Variants in THAP12 observed in about 807,000 individuals in gnomAD.
THAP12 encodes the protein THAP domain containing 12, also known as 52 kDa repressor of the inhibitor of the protein kinase.
A neutral mutation model predicts 63.0 loss-of-function variants in THAP12; 20 were observed. That is an observed-to-expected ratio of 0.32 (90% CI 0.22 to 0.46). The LOEUF is 0.46. THAP12 is among the 20% of genes least tolerant of loss of function. The pLI, the probability that THAP12 is intolerant of heterozygous loss-of-function variation, is 1.00. For missense variants in THAP12, 568 were observed against 908.2 expected (o/e 0.63, Z 4.81); for synonymous variants, 264 against 328.4 (o/e 0.80, Z 2.12).
chr11:76,375,263 C>G (rs1375283016), intron 1 of THAP12, among the ~76,000 whole-genome samples: 1 of 152,246 alleles, frequency 6.6e-6, no homozygotes, highest in Admixed American at 6.5e-5. Context: ...CCATCTCACT[C>G]TAATCAGAGC....
At chr11:76,374,712 AAAT>A (rs1946697195) in intron 1 of THAP12, among the ~76,000 whole-genome samples, 1 of 152,246 alleles carries the variant, frequency 6.6e-6, no homozygotes, top group African/African-American at 2.4e-5. Context: ...TGAAAAATGC[AAAT>A]AATATCAGTG....
At chr11:76,375,279 A>G (rs1946701557) in intron 1 of THAP12, among the ~76,000 whole-genome samples, 1 of 152,026 alleles carries the variant, frequency 6.6e-6, no homozygotes, top group African/African-American at 2.4e-5. Flanking sequence ...AGAGCAATTC[A>G]TTAGCTCTAC....
chr11:76,378,769 A>G (rs1409921645), intron 1 of THAP12, among the ~76,000 whole-genome samples: 1 of 151,958 alleles, frequency 6.6e-6, no homozygotes, highest in East Asian at 1.9e-4. Flanking sequence ...CACTGGGCTC[A>G]GCTAATTTTT....
chr11:76,370,858 GACC>G (rs1453871627), intron 1 of THAP12, among the ~76,000 whole-genome samples: 13 of 138,056 alleles, frequency 9.4e-5, no homozygotes, highest in African/African-American at 2.4e-4. Context: ...ATATATATAT[GACC>G]ACAATAAGTG....
chr11:76,377,417 G>A (rs945967545), intron 1 of THAP12, among the ~76,000 whole-genome samples: 4 of 151,938 alleles, frequency 2.6e-5, no homozygotes, highest in Non-Finnish European at 4.4e-5. Flanking sequence ...TCTCCCTTTC[G>A]CCCAGCCCCA....
At chr11:76,366,248 C>T (rs1167004847) in intron 1 of THAP12, among the ~76,000 whole-genome samples, 1 of 152,116 alleles carries the variant, frequency 6.6e-6, no homozygotes, top group African/African-American at 2.4e-5. Flanking sequence ...CTGCATCTTC[C>T]AACTCCCAAA....
intron 1 of THAP12, chr11:76,368,712 C>T (rs961915889): frequency 6.6e-6 from 1 of 152,062 alleles, no homozygotes; most frequent in Admixed American, 6.6e-5. Flanking sequence ...TGAATATCTA[C>T]ATGAAAAAAA....
intron 1 of THAP12, among the ~76,000 whole-genome samples, chr11:76,369,770 G>A (rs1254505466): frequency 3.9e-5 from 6 of 152,232 alleles, no homozygotes; most frequent in Non-Finnish European, 7.3e-5. Flanking sequence ...ACAGAAACAC[G>A]GCACGTGTTG....
chr11:76,357,429 T>A (rs1438406753), intron 3 of THAP12: 1 of 152,086 alleles, frequency 6.6e-6, no homozygotes, highest in East Asian at 1.9e-4. Context: ...TTTCTCAGAA[T>A]TTAAGGTGTA....
In THAP12 at chr11:76,355,663, CAAGAAAAAAA is replaced by C. The variant is rs772100968; in HGVS notation, c.319-19_319-10del. Reference sequence around the variant, plus strand: ...CTGATTTCATCTTCACTCTAAATGTCAAGAAAAAAAAAGAAAAAAACAAATCATCTTTAAA... The same window carrying C: ...CTGATTTCATCTTCACTCTAAATGTCAAGAAAAAAACAAATCATCTTTAAA... On this transcript the variant is annotated splice_polypyrimidine_tract_variant and intron_variant, in intron 3 of 4. Coordinates refer to ENST00000260045, the MANE Select transcript of THAP12 (RefSeq NM_004705.4). 108 of 1,563,942 alleles carry C rather than the reference CAAGAAAAAAA, an allele frequency of 6.9e-5. No homozygotes were observed. Among genetic ancestry groups the C allele is most frequent in the Admixed American group, 1.9e-4 (10 of 52,350 alleles).
chr11:76,377,563 TGTA>T (rs1173606335), intron 1 of THAP12, among the ~76,000 whole-genome samples: 1 of 152,274 alleles, frequency 6.6e-6, no homozygotes, highest in African/African-American at 2.4e-5. Context: ...TCACCCATAC[TGTA>T]GTATGTACTG....
Position 76,351,820 on chromosome 11 carries a change from G to A in THAP12, c.1330C>T (p.Leu444Phe), listed in dbSNP as rs1222629109. The change falls in exon 5 of 5, where the codon CTT becomes TTT. Residue 444 changes from leucine (L) to phenylalanine (F), a missense_variant. By Grantham distance (22) the Leu-to-Phe change is conservative. Transcript: ENST00000260045. The part of the protein sequence containing the change: ...FEILVELLQA[L>F]VLCLDGINSD... ...TTTATACCATCTAAACATAAAACAA[G>A]TGCTTGCAGGAGTTCCACTAAAATT... is the stretch of plus-strand genomic sequence containing the variant. The A allele has an allele frequency of 3.1e-6, 5 of 1,603,560 alleles. No individual in the cohort carries two copies. The highest frequency in any genetic ancestry group is 1.7e-4 in the Middle Eastern group (1 of 6,008).
intron 2 of THAP12, among the ~76,000 whole-genome samples, chr11:76,363,625 G>C (rs562506748): frequency 9.1e-4 from 139 of 152,202 alleles, no homozygotes; most frequent in African/African-American, 3.2e-3. Context: ...GTCTCACTCT[G>C]TCACCAAGGC....
chr11:76,374,326 T>G (rs1427230286), intron 1 of THAP12, among the ~76,000 whole-genome samples: 1 of 151,946 alleles, frequency 6.6e-6, no homozygotes, highest in Non-Finnish European at 1.5e-5. Context: ...ATTGGTCATT[T>G]GGAAAATATT....
chr11:76,354,668 T>C (rs1418308696), intron 4 of THAP12, among the ~76,000 whole-genome samples: 2 of 152,192 alleles, frequency 1.3e-5, no homozygotes, highest in Non-Finnish European at 2.9e-5. Flanking sequence ...CCTCCAGTGT[T>C]ACCTTTTCTA....
rs143273029 is a variant in THAP12, at chr11:76,351,240, G to A, written c.1910C>T (p.Thr637Met). The A allele has an allele frequency of 5.5e-5, 85 of 1,555,094 alleles. No individual in the cohort carries two copies. The highest frequency in any genetic ancestry group is 3.2e-4 in the East Asian group (14 of 44,348). ...CCAACAATGAAGCTCAGCTGACAGC[G>A]TGTCAGGATTGGGTAAGTCACTTCT... ...MYRSDLPNPD[T>M]LSAELHCWRI... Residue 637 changes from threonine (T) to methionine (M), a missense_variant, in exon 5 of 5, where the codon ACG becomes ATG. Thr to Met is a moderately conservative substitution (Grantham distance 81). Coordinates refer to ENST00000260045, the MANE Select transcript of THAP12 (RefSeq NM_004705.4).
chr11:76,354,079 T>TA (rs774565179), intron 4 of THAP12, among the ~76,000 whole-genome samples: 1 of 152,100 alleles, frequency 6.6e-6, no homozygotes, highest in African/African-American at 2.4e-5. Flanking sequence ...ATGACAAGGA[T>TA]AAATAAGGGG....
chr11:76,376,375 G>A (rs772020905), intron 1 of THAP12, among the ~76,000 whole-genome samples: 14 of 152,164 alleles, frequency 9.2e-5, no homozygotes, highest in Middle Eastern at 3.2e-3. Context: ...CAGAGACTTC[G>A]TGTGATCCTG....
Position 76,350,718 on chromosome 11 carries a change from G to T in THAP12, c.*146C>A, listed in dbSNP as rs1332908314. 6 of 577,484 alleles carry T rather than the reference G, an allele frequency of 1.0e-5. No individual in the cohort carries two copies. Among genetic ancestry groups the T allele is most frequent in the African/African-American group, 9.7e-5 (5 of 51,512 alleles). 35.8% of individuals were successfully genotyped at this position (577,484 alleles called of 1,614,324 possible). A position where few individuals can be genotyped will look rare whatever the true frequency, so the allele number is the denominator to read the frequency against. ...TCAAAGCTTGAGAGTTCAAACAGGGGCCATTTAAACAGGTAGATTATCAAT... is the reference window on the plus strand; with the variant it reads ...TCAAAGCTTGAGAGTTCAAACAGGGTCCATTTAAACAGGTAGATTATCAAT... On this transcript the variant is annotated 3_prime_UTR_variant, in exon 5 of 5. Transcript: ENST00000260045.
Sources: allele counts gnomAD v4.1 joint callset (sites outside exome capture counted in the v4.1 genomes callset), GRCh38; gene constraint gnomAD v4.1.1; transcripts MANE v1.5; gene names NCBI Gene and HGNC (gene_info 2026-07-23, HGNC 2026-07-21).